ELL: variants seen among roughly 807,000 people sequenced by gnomAD.
ELL encodes the protein RNA polymerase II elongation factor ELL.
In ELL, 18 loss-of-function variants were observed where a neutral mutation model predicts 64.0. That is an observed-to-expected ratio of 0.28 (90% confidence interval 0.19 to 0.42). The LOEUF is 0.42. ELL is among the 10% of genes least tolerant of loss of function. ELL has a pLI of 1.00. For synonymous variants in ELL, 399 were observed against 376.2 expected (o/e 1.06, Z -0.70); for missense variants, 797 against 870.4 (o/e 0.92, Z 1.06).
chr19:18,496,306 A>T (rs1394170519), intron 1 of ELL, among the ~76,000 whole-genome samples: 1 of 152,246 alleles, frequency 6.6e-6, no homozygotes, highest in Non-Finnish European at 1.5e-5. Flanking sequence ...TGCCTCATCC[A>T]GAAAACTCCC....
intron 1 of ELL, among the ~76,000 whole-genome samples, chr19:18,483,442 G>A (rs1975347512): frequency 6.6e-6 from 1 of 152,162 alleles, no homozygotes; most frequent in South Asian, 2.1e-4. Flanking sequence ...GGGGGTGGGG[G>A]AGCTGCTTGG....
intron 1 of ELL, among the ~76,000 whole-genome samples, chr19:18,480,090 C>A (rs935919702): frequency 6.6e-6 from 1 of 152,228 alleles, no homozygotes; most frequent in African/African-American, 2.4e-5. Flanking sequence ...CTCTCCCAAG[C>A]ACCAGTGTCA....
At chr19:18,482,763 T>TGTTG (rs1975329570) in intron 1 of ELL, among the ~76,000 whole-genome samples, 9 of 149,602 alleles carry the variant, frequency 6.0e-5, no homozygotes, top group African/African-American at 2.3e-4. Flanking sequence ...CTTTTTGGTT[T>TGTTG]TTGTTGTTGT....
In ELL at chr19:18,461,848, C is replaced by T; in HGVS notation, c.474G>A (p.Lys158=). 1.9e-6 allele frequency: 3 copies of T among 1,610,950 alleles called. No homozygotes were observed. Among genetic ancestry groups the T allele is most frequent in the Non-Finnish European group, 1.7e-6 (2 of 1,177,692 alleles). Residue 158 remains lysine, a synonymous_variant, in exon 5 of 12, where the codon AAG becomes AAA. Coordinates refer to ENST00000262809, the MANE Select transcript of ELL (RefSeq NM_006532.4). ...GGGCTGGTTTCCGAAACTGAACCTT[C>T]TTGCCTGCAACAAGAATCCAAGCTT... ...VIKAGGRYLG[K]KVQFRKPAPG...
Position 18,512,147 on chromosome 19 carries a change from T to TC in ELL, c.135+9773dup, listed in dbSNP as rs1263727076. On this transcript the variant is annotated intron_variant, in intron 1 of 11. Transcript: ENST00000262809. ...TCCAGTCTAGGCGACAGAGTAAGACTCCGTCTCAAAAAAAAAAAAGAAAAA... is the reference window on the plus strand; with the variant it reads ...TCCAGTCTAGGCGACAGAGTAAGACTCCCGTCTCAAAAAAAAAAAAGAAAAA... 2.9e-5 allele frequency among the ~76,000 whole-genome samples: 4 copies of TC among 139,740 alleles called. No homozygotes were observed. In the Admixed American group the frequency reaches 2.9e-4, roughly 10 times the overall value. 91.7% of individuals were successfully genotyped at this position (139,740 alleles called of 152,430 possible). A position where few individuals can be genotyped will look rare whatever the true frequency, so the allele number is the denominator to read the frequency against.
At chr19:18,467,388 C>A (rs1332415076) in intron 2 of ELL, among the ~76,000 whole-genome samples, 1 of 152,024 alleles carries the variant, frequency 6.6e-6, no homozygotes, top group Non-Finnish European at 1.5e-5. Flanking sequence ...TTGTCCCTGT[C>A]ATGCTGATAC....
intron 1 of ELL, among the ~76,000 whole-genome samples, chr19:18,506,668 G>A (rs1383027432): frequency 6.6e-6 from 1 of 152,142 alleles, no homozygotes; most frequent in Non-Finnish European, 1.5e-5. Flanking sequence ...AGGCTGCAGT[G>A]AGCTATGATC....
intron 1 of ELL, among the ~76,000 whole-genome samples, chr19:18,477,393 G>A (rs923624672): frequency 6.6e-6 from 1 of 152,196 alleles, no homozygotes; most frequent in Non-Finnish European, 1.5e-5. Flanking sequence ...AGTAACTGGA[G>A]TCCTGAGGGC....
intron 1 of ELL, among the ~76,000 whole-genome samples, chr19:18,520,315 A>G (rs1976235940): frequency 6.6e-6 from 1 of 152,160 alleles, no homozygotes; most frequent in Admixed American, 6.5e-5. Context: ...GACAAGTCAG[A>G]ATCGCTCAGG....
At chr19:18,476,440 T>C (rs1447802248) in intron 1 of ELL, among the ~76,000 whole-genome samples, 5 of 152,156 alleles carry the variant, frequency 3.3e-5, no homozygotes, top group African/African-American at 1.2e-4. Flanking sequence ...TGTGCAAGGC[T>C]GAGGGTGACA....
chr19:18,513,250 C>T (rs993226130), intron 1 of ELL, among the ~76,000 whole-genome samples: 4 of 152,200 alleles, frequency 2.6e-5, no homozygotes, highest in African/African-American at 4.8e-5. Context: ...CTCACCTCAT[C>T]GCTCTATGTA....
At chr19:18,510,930 T>C (rs1976007212) in intron 1 of ELL, among the ~76,000 whole-genome samples, 1 of 152,062 alleles carries the variant, frequency 6.6e-6, no homozygotes, top group Non-Finnish European at 1.5e-5. Context: ...AAGACCAGCA[T>C]GGCCAACATG....
In ELL at chr19:18,458,197, G is replaced by T; in HGVS notation, c.869+8C>A. 2 of 1,607,716 alleles carry T rather than the reference G, an allele frequency of 1.2e-6. No homozygotes were observed. Among genetic ancestry groups the T allele is most frequent in the East Asian group, 2.2e-5 (1 of 44,886 alleles). ...GGGGACATGCTGGGGGATGGGAGGC[G>T]GCATTACCGGACGAGCACCCGCTTC... On this transcript the variant is annotated splice_region_variant and intron_variant, in intron 6 of 11. Coordinates refer to ENST00000262809, the MANE Select transcript of ELL (RefSeq NM_006532.4).
chr19:18,497,815 C>CAAAAAAAAAAAAAAAAAAAAAAAAAAAA, intron 1 of ELL, among the ~76,000 whole-genome samples: 1 of 54,214 alleles, frequency 1.8e-5, no homozygotes, highest in African/African-American at 6.6e-5. Context: ...GATCTCATCT[C>CAAAAAAAAAAAAAAAAAAAAAAAAAAAA]AAAAAAAAAA....
intron 2 of ELL, among the ~76,000 whole-genome samples, chr19:18,468,147 C>T (rs2144924409): frequency 6.6e-6 from 1 of 150,896 alleles, no homozygotes; most frequent in South Asian, 2.1e-4. Context: ...CCCACACAGC[C>T]ACACAAACAC....
At chr19:18,459,241 G>A (rs1267178533) in intron 5 of ELL, among the ~76,000 whole-genome samples, 2 of 152,142 alleles carry the variant, frequency 1.3e-5, no homozygotes, top group East Asian at 3.8e-4. Flanking sequence ...CTGGGTGAGG[G>A]GTACCTCTGG....
chr19:18,514,956 T>C (rs907895140), intron 1 of ELL, among the ~76,000 whole-genome samples: 4 of 152,078 alleles, frequency 2.6e-5, no homozygotes, highest in Non-Finnish European at 4.4e-5. Flanking sequence ...GGCTGGCGGG[T>C]TCCTCCCTCA....
rs548339965 is a variant in ELL at position 18,449,342 on chromosome 19, C to T, written c.1465+1135G>A. On this transcript the variant is annotated intron_variant, in intron 8 of 11. Coordinates refer to ENST00000262809, the MANE Select transcript of ELL (RefSeq NM_006532.4). This position sits in a 1 kb window ranked among gnomAD's most constrained non-coding sequence, Gnocchi z 4.4. ...GTGTCCTGGGAATCAGGAGTCCTGC[C>T]CTGAGCATGGCCCTGGTCAGAGAGG... Among the ~76,000 whole-genome samples the T allele has an allele frequency of 6.6e-6, 1 of 152,206 alleles. No homozygotes were observed. The highest frequency in any genetic ancestry group is 1.9e-4 in the East Asian group (1 of 5,154).
chr19:18,446,177 CA>C, intron 10 of ELL, 131 bp downstream of exon 10: 3 of 1,157,948 alleles, frequency 2.6e-6, no homozygotes, highest in Non-Finnish European at 3.5e-6. Flanking sequence ...TGGAGTGCAC[CA>C]GGGGGAGAAG....
Sources: gnomAD v4.1 joint callset for allele counts (sites outside exome capture counted in the v4.1 genomes callset) on GRCh38, gnomAD v4.1.1 for gene constraint, Gnocchi (gnomAD v3.1) non-coding constraint, MANE v1.5 for transcripts, NCBI Gene and HGNC (gene_info 2026-07-23, HGNC 2026-07-21) for gene names.